The following CCN4 variants were observed in gnomAD, a reference collection of about 807,000 sequenced individuals.
The protein encoded by CCN4 is cellular communication network factor 4, also known as CCN family member 4.
In CCN4, 30 loss-of-function variants were observed where a neutral mutation model predicts 36.7. The observed-to-expected ratio is 0.82, with a 90% confidence interval of 0.61 to 1.11. CCN4 has a LOEUF of 1.11. CCN4 is among the 50% of genes least tolerant of loss of function. The probability of loss-of-function intolerance (pLI) is 0.00; values close to 1 mark genes in which losing one functional copy is unlikely to be tolerated. For missense variants in CCN4, 505 were observed against 504.9 expected, an observed-to-expected ratio of 1.00 and a Z score of 0.00; for synonymous variants, 191 against 195.4, an observed-to-expected ratio of 0.98 and a Z score of 0.19.
chr8:133,213,183 AC>A (rs1854129559), intron 2 of CCN4, 40 bp downstream of exon 2: 4 of 1,566,074 alleles, frequency 2.6e-6, no homozygotes, highest in Admixed American at 1.7e-5. Flanking sequence ...GCCCCTGAGC[AC>A]CCCCAGCTCT....
chr8:133,220,460 C>T (rs1564264973), intron 2 of CCN4, 121 bp from the exon 3 acceptor site: 5 of 1,422,816 alleles, frequency 3.5e-6, no homozygotes, highest in Non-Finnish European at 3.8e-6. Context: ...CTCTGTTCCT[C>T]CTCCATGCTG....
At position 133,191,167 on chromosome 8, in the gene CCN4, C is replaced by T. The variant is rs569239095; in HGVS notation, c.23C>T (p.Thr8Met). MRWFLPW[T>M]LAAVTAAAAS... ...GGCATGAGGTGGTTCCTGCCCTGGA[C>T]GCTGGCAGCAGTGACAGCAGCAGCC... The change falls in exon 1 of 5, where the codon ACG becomes ATG. Residue 8 changes from threonine to methionine, a missense_variant. Physicochemically the swap from Thr to Met is moderately conservative, Grantham distance 81. Transcript: ENST00000250160. The T allele has an allele frequency of 1.4e-5, 23 of 1,606,488 alleles. No individual in the cohort carries two copies. In the East Asian group the frequency reaches 1.6e-4, roughly 11 times the overall value.
chr8:133,223,858 G>A (rs540526989), intron 3 of CCN4, among the ~76,000 whole-genome samples: 1 of 152,178 alleles, frequency 6.6e-6, no homozygotes, highest in Non-Finnish European at 1.5e-5. Flanking sequence ...CTTTGGTCTC[G>A]AGCTCACCAC....
chr8:133,215,444 A>T (rs1854284665), intron 2 of CCN4, among the ~76,000 whole-genome samples: 1 of 150,098 alleles, frequency 6.7e-6, no homozygotes, highest in Admixed American at 6.6e-5. Flanking sequence ...AAGGTCATTA[A>T]AAAGATACTT....
At chr8:133,197,391 C>T (rs1447534127) in intron 1 of CCN4, among the ~76,000 whole-genome samples, 5 of 152,122 alleles carry the variant, frequency 3.3e-5, no homozygotes, top group Non-Finnish European at 7.4e-5. Flanking sequence ...TGGTGAAAAA[C>T]ATGTTCTGGA....
In CCN4 at chr8:133,196,882, T is replaced by C. The variant is rs143612485; in HGVS notation, c.69+5669T>C. 3.0e-3 allele frequency among the ~76,000 whole-genome samples: 456 copies of C among 152,242 alleles called. 2 individuals are homozygous for C. Among genetic ancestry groups the C allele is most frequent in the African/African-American group, 0.011 (438 of 41,536 alleles). On this transcript the variant is annotated intron_variant, in intron 1 of 4. Coordinates refer to ENST00000250160, the MANE Select transcript of CCN4 (RefSeq NM_003882.4). ...GCCCTATCCAATGAGCAGGGGTTTA[T>C]AAAGACCTCAGGCTCAGCACCAGTT...
At chr8:133,199,663 T>C (rs1203450080) in intron 1 of CCN4, among the ~76,000 whole-genome samples, 1 of 152,136 alleles carries the variant, frequency 6.6e-6, no homozygotes, top group Non-Finnish European at 1.5e-5. Context: ...TTCCCAGCCA[T>C]GCTATTTGTA....
At position 133,220,792 on chromosome 8, in the gene CCN4, C is replaced by A; in HGVS notation, c.561C>A (p.Asp187Glu). Residue 187 changes from aspartate (D) to glutamate (E), a missense_variant, in exon 3 of 5, where the codon GAC becomes GAA. By Grantham distance (45) the Asp-to-Glu change is conservative. Coordinates refer to ENST00000250160, the MANE Select transcript of CCN4 (RefSeq NM_003882.4). ...GCTGTGAGCAGTGGGTATGTGAGGA[C>A]GACGCCAAGAGGCCACGCAAGACCG... ...GHCCEQWVCE[D>E]DAKRPRKTAP... is the part of the protein sequence containing the mutation. 6.2e-7 allele frequency: 1 copy of A among 1,611,396 alleles called. No individual in the cohort carries two copies. Among genetic ancestry groups the A allele is most frequent in the Non-Finnish European group, 8.5e-7 (1 of 1,178,868 alleles).
At chr8:133,201,815 C>A (rs1433470890) in intron 1 of CCN4, among the ~76,000 whole-genome samples, 1 of 151,290 alleles carries the variant, frequency 6.6e-6, no homozygotes, top group Non-Finnish European at 1.5e-5. Flanking sequence ...TGCACTCCAG[C>A]CTAGACGATA....
At chr8:133,207,773 G>A (rs918165198) in intron 1 of CCN4, among the ~76,000 whole-genome samples, 36 of 152,202 alleles carry the variant, frequency 2.4e-4, no homozygotes, top group Admixed American at 3.9e-4. Flanking sequence ...GCATGCAGGG[G>A]AACAGATGGG....
intron 1 of CCN4, among the ~76,000 whole-genome samples, chr8:133,198,569 G>A (rs890623892): frequency 2.0e-5 from 3 of 152,138 alleles, no homozygotes; most frequent in African/African-American, 4.8e-5. Context: ...TTCCGCCTCT[G>A]TGCACGTGGC....
chr8:133,197,674 G>A (rs557494657), intron 1 of CCN4, among the ~76,000 whole-genome samples: 14 of 152,266 alleles, frequency 9.2e-5, no homozygotes, highest in Admixed American at 3.9e-4. Flanking sequence ...ATCTGAGCCC[G>A]CCCACCCCAC....
intron 1 of CCN4, among the ~76,000 whole-genome samples, chr8:133,194,350 G>A: frequency 9.0e-6 from 1 of 110,942 alleles, no homozygotes; most frequent in Non-Finnish European, 1.9e-5. Context: ...GTGTGGGGGG[G>A]TGGTGGTGTG....
chr8:133,201,199 AT>A (rs749328807), intron 1 of CCN4, among the ~76,000 whole-genome samples: 2 of 152,214 alleles, frequency 1.3e-5, no homozygotes, highest in Non-Finnish European at 2.9e-5. Context: ...TGGAAAAATT[AT>A]CTGACCTTTA....
intron 1 of CCN4, among the ~76,000 whole-genome samples, chr8:133,212,189 A>G (rs1854069659): frequency 6.6e-6 from 1 of 152,106 alleles, no homozygotes; most frequent in African/African-American, 2.4e-5. Context: ...TGACAGCAAA[A>G]TAAAAGGGCT....
intron 1 of CCN4, among the ~76,000 whole-genome samples, chr8:133,197,248 T>C (rs1286429570): frequency 6.6e-6 from 1 of 152,066 alleles, no homozygotes; most frequent in Admixed American, 6.6e-5. Flanking sequence ...CACTTCCAGT[T>C]TCTAGAGGTG....
intron 1 of CCN4, among the ~76,000 whole-genome samples, chr8:133,199,406 G>A (rs1588182103): frequency 6.6e-6 from 1 of 152,206 alleles, no homozygotes; most frequent in South Asian, 2.1e-4. Context: ...AAATTTCCTG[G>A]GTCTCAGTTT....
At chr8:133,216,004 CACAA>C (rs1268837839) in intron 2 of CCN4, among the ~76,000 whole-genome samples, 1 of 152,090 alleles carries the variant, frequency 6.6e-6, no homozygotes, top group Non-Finnish European at 1.5e-5. Context: ...CACACACACA[CACAA>C]ACACACAGTT....
chr8:133,206,826 C>A (rs1400494336), intron 1 of CCN4, among the ~76,000 whole-genome samples: 1 of 152,172 alleles, frequency 6.6e-6, no homozygotes, highest in Non-Finnish European at 1.5e-5. Context: ...ACCTCGCCAC[C>A]CCTACACTCC....
Sources: gnomAD v4.1 joint callset for allele counts (sites outside exome capture counted in the v4.1 genomes callset) on GRCh38, gnomAD v4.1.1 for gene constraint, MANE v1.5 for transcripts, NCBI Gene and HGNC (gene_info 2026-07-23, HGNC 2026-07-21) for gene names.